Variants in MOV10 observed in about 807,000 individuals in gnomAD.
MOV10 encodes RNA helicase MOV-10.
Under a neutral mutation model 108.4 loss-of-function variants are expected in MOV10, and 39 were observed. The ratio of observed to expected loss-of-function variants is 0.36; its 90% CI spans 0.28 to 0.47. MOV10 has a LOEUF of 0.47. Ranked by LOEUF, MOV10 falls within the 20% of genes least tolerant of loss-of-function variation. The pLI, the probability that MOV10 is intolerant of heterozygous loss-of-function variation, is 1.00. For missense variants in MOV10, 952 were observed against 1,297.6 expected, an observed-to-expected ratio of 0.73 and a Z score of 4.09; for synonymous variants, 490 against 523.1, an observed-to-expected ratio of 0.94 and a Z score of 0.86.
chr1:112,682,175 G>A (rs535399548), intron 2 of MOV10, among the ~76,000 whole-genome samples: 3 of 152,316 alleles, frequency 2.0e-5, no homozygotes, highest in East Asian at 1.9e-4. Flanking sequence ...GATTACAGGC[G>A]TGAGCCATCG....
At chr1:112,685,202 T>TCC (rs1553184425) in intron 2 of MOV10, 1 of 143,086 alleles carries the variant, frequency 7.0e-6, no homozygotes, top group African/African-American at 2.5e-5. Flanking sequence ...TTTTTTTTTT[T>TCC]CACTATTGCC....
At chr1:112,692,693 T>C (rs1201226395) in intron 6 of MOV10, 68 bp from the exon 7 acceptor site, 2 of 1,582,716 alleles carry the variant, frequency 1.3e-6, no homozygotes, top group East Asian at 2.2e-5. Flanking sequence ...TGGATACTCC[T>C]GGGCATAGGG....
chr1:112,693,553 G>A (rs1673776413), intron 7 of MOV10: 1 of 155,886 alleles, frequency 6.4e-6, no homozygotes, highest in Non-Finnish European at 1.4e-5. Flanking sequence ...TTGTAGAGAT[G>A]GGGTTTTGCC....
At chr1:112,680,296 A>C (rs1672519804) in intron 2 of MOV10, among the ~76,000 whole-genome samples, 1 of 152,154 alleles carries the variant, frequency 6.6e-6, no homozygotes, top group Non-Finnish European at 1.5e-5. Context: ...CTAATCAAGC[A>C]AGTAGTTGGA....
Position 112,696,149 on chromosome 1 carries a change from C to A in MOV10, c.1781C>A (p.Pro594His). 1.9e-6 allele frequency: 3 copies of A among 1,610,716 alleles called. No individual in the cohort carries two copies. The highest frequency in any genetic ancestry group is 1.7e-6 in the Non-Finnish European group (2 of 1,177,960). The change falls in exon 12 of 21, where the codon CCC becomes CAC. Residue 594 changes from proline (P) to histidine (H), a missense_variant and splice_region_variant. By Grantham distance (77) the Pro-to-His change is moderately conservative. Around this residue, in one of 5 missense-constraint regions of MOV10, gnomAD observed 453 missense variants for 611.5 expected, o/e 0.74. Coordinates refer to ENST00000369645, the MANE Select transcript of MOV10 (RefSeq NM_001321324.2). ...CTCTGGTCCCTTCACAATCCACAGCCCTGCTGCAACTGGGACGCAAAGAAG... is the reference window on the plus strand; with the variant it reads ...CTCTGGTCCCTTCACAATCCACAGCACTGCTGCAACTGGGACGCAAAGAAG... ...DIRMVPEDIK[P>H]CCNWDAKKGE...
chr1:112,674,944 G>A lies in MOV10; in HGVS notation c.32G>A (p.Arg11Gln). 3 of 1,583,588 alleles carry A rather than the reference G, an allele frequency of 1.9e-6. No individual in the cohort carries two copies. The highest frequency in any genetic ancestry group is 2.6e-6 in the Non-Finnish European group (3 of 1,165,872). The stretch of plus-strand genomic sequence containing the variant: ...AGTAAGTTCAGCTGCCGGCAGCTCC[G>A]GGAGGCGGGCCAGTGTTTCGAGAGT... MPSKFSCRQL[R>Q]EAGQCFESFL... Residue 11 changes from arginine (R) to glutamine (Q), a missense_variant, in exon 2 of 21, where the codon CGG (arginine) becomes CAG (glutamine). This residue lies in a region of MOV10 where 374 missense variants were observed against 468.6 expected (regional missense o/e 0.80). Transcript: ENST00000369645.
At chr1:112,674,771 G>T (rs1014829470) in intron 1 of MOV10, 42 bp downstream of exon 1, 5 of 767,536 alleles carry the variant, frequency 6.5e-6, no homozygotes, top group African/African-American at 1.9e-5. Flanking sequence ...GGGGAGAAGG[G>T]AGCCCGCAGG....
In MOV10 at chr1:112,692,741, C is replaced by T. The variant is rs755322131; in HGVS notation, c.972-20C>T. On this transcript the variant is annotated intron_variant, in intron 6 of 20. Transcript: ENST00000369645. ...ATCCTGTTCCTGCCCCCACTCACCC[C>T]TCCCAACCATCATTTCCAGGGCCCA... 14 of 1,613,052 alleles carry T rather than the reference C, an allele frequency of 8.7e-6. No homozygotes were observed. Among genetic ancestry groups the T allele is most frequent in the Non-Finnish European group, 1.2e-5 (14 of 1,179,622 alleles).
chr1:112,700,143 G>T (rs536087571), intron 19 of MOV10, 76 bp from the exon 20 acceptor site: 1 of 1,606,188 alleles, frequency 6.2e-7, no homozygotes, highest in East Asian at 2.2e-5. Context: ...TCCAGAGGTT[G>T]AGCAAGTACA....
Position 112,693,993 on chromosome 1 carries a change from G to A in MOV10, c.1141-25G>A, listed in dbSNP as rs750489151. On this transcript the variant is annotated intron_variant, in intron 7 of 20. Coordinates refer to ENST00000369645, the MANE Select transcript of MOV10 (RefSeq NM_001321324.2). ...TCCAGCGTCCATCCCTGGGACAGAA[G>A]CTTGCTTGTGTTCACACCCCATAGG... 1.2e-5 allele frequency: 19 copies of A among 1,613,210 alleles called. No homozygotes were observed. The East Asian group carries it at 4.0e-4, about 34-fold the overall frequency.
rs1673700765 is a variant in MOV10 at position 112,692,796 on chromosome 1, A to T, written c.1007A>T (p.Tyr336Phe). The T allele has an allele frequency of 6.2e-7, 1 of 1,614,110 alleles. No individual in the cohort carries two copies. The highest frequency in any genetic ancestry group is 1.3e-5 in the African/African-American group (1 of 75,040). ...GAGACAGCCCTGAAGTGGAGGAACT[A>T]TGAGGTGAAGCTGCGGCTGCTGCTG... Reference protein sequence around the residue: ...QLETALKWRNYEVKLRLLLHL... With the variant: ...QLETALKWRNFEVKLRLLLHL... Residue 336 changes from tyrosine (Y) to phenylalanine (F), a missense_variant, in exon 7 of 21, where the codon TAT becomes TTT. Tyr to Phe is a conservative substitution (Grantham distance 22, BLOSUM62 3). Coordinates refer to ENST00000369645, the MANE Select transcript of MOV10 (RefSeq NM_001321324.2).
intron 7 of MOV10, 27 bp from the exon 8 acceptor site, chr1:112,693,991 A>C: frequency 6.2e-7 from 1 of 1,612,992 alleles, no homozygotes. Flanking sequence ...CCTGGGACAG[A>C]AGCTTGCTTG....
In MOV10 at chr1:112,694,278, A is replaced by G; in HGVS notation, c.1295+106A>G. 1.3e-6 allele frequency: 2 copies of G among 1,484,716 alleles called. No homozygotes were observed. The highest frequency in any genetic ancestry group is 1.2e-5 in the South Asian group (1 of 83,806). 92.0% of individuals were successfully genotyped at this position (1,484,716 alleles called of 1,614,324 possible). ...GATAAATGAGACCCCGGGGCAGAGC[A>G]GGAGACTTTTCCTCAGGGGTACCCT... On this transcript the variant is annotated intron_variant, in intron 8 of 20. Transcript: ENST00000369645. This position sits in a 1 kb window ranked among gnomAD's most constrained non-coding sequence, Gnocchi z 4.1.
chr1:112,689,992 A>G lies in MOV10; in HGVS notation c.730A>G (p.Ser244Gly). Residue 244 changes from serine (S) to glycine (G), a missense_variant, in exon 5 of 21, where the codon AGC becomes GGC. Coordinates refer to ENST00000369645, the MANE Select transcript of MOV10 (RefSeq NM_001321324.2). ...CCGCTTCTTGGCTGCCGTCGCCCAC[A>G]GCCCCCTGGCTGCACAGCTGAAGCC... ...IARFLAAVAH[S>G]PLAAQLKPMT... is the part of the protein sequence containing the mutation. 2 of 1,614,144 alleles carry G rather than the reference A, an allele frequency of 1.2e-6. No homozygotes were observed. The highest frequency in any genetic ancestry group is 1.7e-6 in the Non-Finnish European group (2 of 1,180,046).
intron 2 of MOV10, among the ~76,000 whole-genome samples, chr1:112,684,120 T>C (rs1307487715): frequency 6.6e-6 from 1 of 151,288 alleles, no homozygotes; most frequent in Non-Finnish European, 1.5e-5. Flanking sequence ...CTGACTAATT[T>C]TTTTTTTTAA....
intron 2 of MOV10, among the ~76,000 whole-genome samples, chr1:112,687,460 G>C (rs1003445728): frequency 2.0e-5 from 3 of 152,158 alleles, no homozygotes; most frequent in Admixed American, 6.5e-5. Context: ...TTTAAGGGAG[G>C]GTGTCAGTCA....
At position 112,700,650 on chromosome 1, in the gene MOV10, C is replaced by T. The variant is rs959503125; in HGVS notation, c.*143C>T. On this transcript the variant is annotated 3_prime_UTR_variant, in exon 21 of 21. Transcript: ENST00000369645. ...AACCCAAGCCATTCCACCCCCTCCC[C>T]TGCTGGGGAGAATGACACATCAAGC... 4 of 1,539,188 alleles carry T rather than the reference C, an allele frequency of 2.6e-6. No individual in the cohort carries two copies. Among genetic ancestry groups the T allele is most frequent in the Non-Finnish European group, 3.5e-6 (4 of 1,145,412 alleles).
At chr1:112,691,879 C>A in intron 6 of MOV10, 80 bp downstream of exon 6, 3 of 1,482,698 alleles carry the variant, frequency 2.0e-6, no homozygotes, top group Non-Finnish European at 1.9e-6. Context: ...CACCTCCGTC[C>A]TCAGCCTCCC....
chr1:112,690,943 T>C (rs1476167270), intron 5 of MOV10, among the ~76,000 whole-genome samples: 6 of 152,186 alleles, frequency 3.9e-5, no homozygotes, highest in African/African-American at 1.4e-4. Flanking sequence ...TGTGTAGACA[T>C]CTCTTTTTGT....
Sources: allele counts gnomAD v4.1 joint callset (sites outside exome capture counted in the v4.1 genomes callset), GRCh38; gene constraint gnomAD v4.1.1; regional missense constraint gnomAD v4.1.1; non-coding constraint Gnocchi (gnomAD v3.1); transcripts MANE v1.5; gene names NCBI Gene and HGNC (gene_info 2026-07-23, HGNC 2026-07-21).